ADAM2: variants seen among roughly 807,000 people sequenced by gnomAD.
ADAM2 encodes ADAM metallopeptidase domain 2, also known as disintegrin and metalloproteinase domain-containing protein 2.
ADAM2 carries 101 observed loss-of-function variants against 99.3 expected under a neutral mutation model. That is an observed-to-expected ratio of 1.02 (90% CI 0.87 to 1.20). The LOEUF (loss-of-function observed/expected upper bound fraction) is 1.20, where lower values mean the gene tolerates loss of function less well. Among genes scored for constraint, ADAM2 ranks in the 50% most tolerant of loss-of-function variants. The pLI is 0.00. For missense variants in ADAM2, 948 were observed against 878.7 expected (o/e 1.08, Z -1.00); for synonymous variants, 323 against 287.6 (o/e 1.12, Z -1.25).
In ADAM2 at chr8:39,746,705, C is replaced by G. The variant is rs1345768724; in HGVS notation, c.2015-74G>C. The G allele has an allele frequency of 3.5e-6, 4 of 1,139,580 alleles. No individual in the cohort carries two copies. The East Asian group carries it at 7.8e-5, about 22-fold the overall frequency. The allele number at this position is 1,139,580 out of a possible 1,614,324, so 70.6% of individuals were successfully genotyped here. On this transcript the variant is annotated intron_variant, in intron 18 of 20. Transcript: ENST00000265708. Reference sequence around the variant, plus strand: ...GTAAAGATATTTCTGTATTTTACTACGTCTACCAAAATAAAATCTTTGAAC... The same window carrying G: ...GTAAAGATATTTCTGTATTTTACTAGGTCTACCAAAATAAAATCTTTGAAC...
rs34800519 is a variant in ADAM2 at position 39,838,158 on chromosome 8, C to A, written c.28G>T (p.Gly10Trp). 8,080 of 1,614,082 alleles carry A rather than the reference C, an allele frequency of 5.0e-3. 199 individuals carry two copies. The African/African-American group carries it at 0.07, about 14-fold the overall frequency. ...CTGTCCATCCGCAGCCCGCCGAGCC[C>A]GCTGAGCAGAAACAAGACGCGCCAC... MWRVLFLLS[G>W]LGGLRMDSNF... is the part of the protein sequence containing the mutation. Residue 10 changes from glycine to tryptophan, a missense_variant, in exon 1 of 21, where the codon GGG (glycine) becomes TGG (tryptophan). Gly to Trp is a radical substitution (Grantham distance 184). Coordinates refer to ENST00000265708, the MANE Select transcript of ADAM2 (RefSeq NM_001464.5).
At chr8:39,745,627 C>A (rs966805212) in intron 19 of ADAM2, among the ~76,000 whole-genome samples, 1 of 151,992 alleles carries the variant, frequency 6.6e-6, no homozygotes, top group Non-Finnish European at 1.5e-5. Flanking sequence ...TGGCTATCAT[C>A]TAGATTTTTA....
intron 16 of ADAM2, among the ~76,000 whole-genome samples, chr8:39,751,088 A>G (rs1480680146): frequency 6.6e-6 from 1 of 152,200 alleles, no homozygotes; most frequent in Non-Finnish European, 1.5e-5. Context: ...GAAAAAATAC[A>G]TTATTAATTG....
At chr8:39,767,440 C>A (rs1280602368) in intron 12 of ADAM2, among the ~76,000 whole-genome samples, 189 bp from the exon 13 acceptor site, 1 of 152,156 alleles carries the variant, frequency 6.6e-6, no homozygotes, top group Admixed American at 6.5e-5. Context: ...AATTGCCAGA[C>A]CATGTGTTGC....
chr8:39,784,879 G>GC (rs1446740607), intron 10 of ADAM2, among the ~76,000 whole-genome samples: 1 of 152,072 alleles, frequency 6.6e-6, no homozygotes, highest in Non-Finnish European at 1.5e-5. Flanking sequence ...CATGTCTTTT[G>GC]CCCATTTTTT....
At chr8:39,832,309 T>A (rs1805650790) in intron 3 of ADAM2, among the ~76,000 whole-genome samples, 1 of 152,172 alleles carries the variant, frequency 6.6e-6, no homozygotes, top group Non-Finnish European at 1.5e-5. Context: ...TGAGTGTCTA[T>A]AAACTGTTGG....
At chr8:39,784,688 T>C (rs926130149) in intron 10 of ADAM2, among the ~76,000 whole-genome samples, 1 of 152,192 alleles carries the variant, frequency 6.6e-6, no homozygotes. Flanking sequence ...GATTTCTTAG[T>C]GTGGCATGTG....
intron 2 of ADAM2, 36 bp from the exon 3 acceptor site, chr8:39,834,035 G>GA (rs773597230): frequency 4.5e-5 from 54 of 1,187,138 alleles, no homozygotes; most frequent in Middle Eastern, 4.0e-4. Context: ...CAAAGAAAAT[G>GA]AAAAAAAATG....
intron 10 of ADAM2, 117 bp from the exon 11 acceptor site, chr8:39,777,278 G>A (rs923582685): frequency 9.7e-6 from 7 of 723,656 alleles, no homozygotes; most frequent in South Asian, 2.3e-5. Context: ...TATCCCAAAA[G>A]TGCCATCCTT....
chr8:39,786,961 A>AACCAT lies in ADAM2; in HGVS notation c.891+8_891+12dup, dbSNP rs1803489059. 2.6e-6 allele frequency: 4 copies of AACCAT among 1,564,690 alleles called. No individual in the cohort carries two copies. The highest frequency in any genetic ancestry group is 3.5e-6 in the Non-Finnish European group (4 of 1,149,158). Reference sequence around the variant, plus strand: ...TTTATGTAGCATACTTTCTATACATAACCATACCATACCAGAACAACACCT... The same window carrying AACCAT: ...TTTATGTAGCATACTTTCTATACATAACCATACCATACCATACCAGAACAACACCT... On this transcript the variant is annotated intron_variant, in intron 10 of 20. Transcript: ENST00000265708.
chr8:39,777,587 C>T (rs1194641669), intron 10 of ADAM2, among the ~76,000 whole-genome samples: 1 of 151,848 alleles, frequency 6.6e-6, no homozygotes, highest in Non-Finnish European at 1.5e-5. Flanking sequence ...AGTAGAGAAA[C>T]ACAATTAAAT....
At chr8:39,812,671 G>T (rs1355922754) in intron 6 of ADAM2, among the ~76,000 whole-genome samples, 1 of 150,834 alleles carries the variant, frequency 6.6e-6, no homozygotes, top group African/African-American at 2.4e-5. Flanking sequence ...AACAAGAAAT[G>T]GTTTTTCCCT....
At chr8:39,788,003 A>G (rs1803547831) in intron 9 of ADAM2, 82 bp downstream of exon 9, 1 of 919,892 alleles carries the variant, frequency 1.1e-6, no homozygotes, top group South Asian at 3.5e-5. Context: ...TTTTTAATAC[A>G]CATTTATCAA....
intron 7 of ADAM2, among the ~76,000 whole-genome samples, chr8:39,808,685 AG>A (rs1804558408): frequency 2.0e-5 from 3 of 152,194 alleles, no homozygotes; most frequent in Admixed American, 6.5e-5. Context: ...TGGGAGGCCG[AG>A]GCAGGTGGAT....
At chr8:39,797,882 C>T (rs1264095547) in intron 7 of ADAM2, among the ~76,000 whole-genome samples, 2 of 152,184 alleles carry the variant, frequency 1.3e-5, no homozygotes, top group South Asian at 2.1e-4. Flanking sequence ...GATTTTTGCA[C>T]ATTGATTTTG....
At chr8:39,800,507 A>G (rs974405515) in intron 7 of ADAM2, among the ~76,000 whole-genome samples, 1 of 151,766 alleles carries the variant, frequency 6.6e-6, no homozygotes, top group East Asian at 1.9e-4. Flanking sequence ...TGTGTCTTGG[A>G]GTTGATTTTC....
intron 7 of ADAM2, among the ~76,000 whole-genome samples, chr8:39,808,189 TACACACACAC>T (rs144114156): frequency 1.6e-4 from 23 of 146,004 alleles, no homozygotes; most frequent in Admixed American, 1.4e-3. Context: ...TCCTAAGGAA[TACACACACAC>T]ACACACACAC....
At chr8:39,827,274 C>T (rs1416512250) in intron 3 of ADAM2, among the ~76,000 whole-genome samples, 3 of 151,986 alleles carry the variant, frequency 2.0e-5, no homozygotes, top group African/African-American at 7.2e-5. Context: ...AACACTTCCA[C>T]AATGTTGGTG....
intron 4 of ADAM2, among the ~76,000 whole-genome samples, chr8:39,823,818 C>T (rs1805293048): frequency 6.6e-6 from 1 of 152,104 alleles, no homozygotes; most frequent in Non-Finnish European, 1.5e-5. Flanking sequence ...TGTGTACTCT[C>T]TTGGGCAAAA....
Sources: allele counts gnomAD v4.1 joint callset (sites outside exome capture counted in the v4.1 genomes callset), GRCh38; gene constraint gnomAD v4.1.1; transcripts MANE v1.5; gene names NCBI Gene and HGNC (gene_info 2026-07-23, HGNC 2026-07-21).